Variants in TMOD3 observed in about 807,000 individuals in gnomAD.
TMOD3 encodes the protein tropomodulin 3, also known as tropomodulin-3.
TMOD3 carries 20 observed loss-of-function variants against 39.2 expected under a neutral mutation model. The ratio of observed to expected loss-of-function variants is 0.51; its 90% CI spans 0.36 to 0.74. The LOEUF (loss-of-function observed/expected upper bound fraction) is 0.74, where lower values mean the gene tolerates loss of function less well. Among genes scored for constraint, TMOD3 ranks in the 30% least tolerant of loss-of-function variants. TMOD3 has a pLI of 0.00. For missense variants in TMOD3, 381 were observed against 412.8 expected, an observed-to-expected ratio of 0.92 and a Z score of 0.67; for synonymous variants, 143 against 145.8, an observed-to-expected ratio of 0.98 and a Z score of 0.14.
At chr15:51,879,839 TTCTC>T (rs1272927880) in intron 3 of TMOD3, among the ~76,000 whole-genome samples, 11 of 99,716 alleles carry the variant, frequency 1.1e-4, no homozygotes, top group Non-Finnish European at 4.3e-5. Flanking sequence ...GGCAATCTCT[TTCTC>T]TCTCTCTGTC....
At chr15:51,889,387 A>T (rs1303140821) in intron 5 of TMOD3, among the ~76,000 whole-genome samples, 1 of 152,154 alleles carries the variant, frequency 6.6e-6, no homozygotes, top group African/African-American at 2.4e-5. Context: ...TAAACAGTAT[A>T]AAAGCTAGTC....
chr15:51,888,506 C>A (rs2623259), intron 4 of TMOD3, among the ~76,000 whole-genome samples: 69,218 of 151,996 alleles, frequency 0.46, 15,990 homozygotes, highest in Admixed American at 0.53. Flanking sequence ...TATTTGTGCA[C>A]AAGGGCATCA....
intron 3 of TMOD3, among the ~76,000 whole-genome samples, chr15:51,877,648 C>G (rs2056511578): frequency 6.6e-6 from 1 of 150,870 alleles, no homozygotes; most frequent in Non-Finnish European, 1.5e-5. Context: ...CCACTGCACT[C>G]TAGCCTGGGC....
At chr15:51,868,007 G>A (rs2056455691) in intron 2 of TMOD3, among the ~76,000 whole-genome samples, 1 of 152,180 alleles carries the variant, frequency 6.6e-6, no homozygotes, top group African/African-American at 2.4e-5. Context: ...TATGTCAGGG[G>A]TCCCTTGGGG....
In TMOD3 at chr15:51,840,806, A is replaced by T. The variant is rs184133898; in HGVS notation, c.-75+10970A>T. Among the ~76,000 whole-genome samples, 174 of 152,276 alleles carry T rather than the reference A, an allele frequency of 1.1e-3. 3 individuals carry two copies. The highest frequency in any genetic ancestry group is 9.1e-4 in the Non-Finnish European group (62 of 68,018). On this transcript the variant is annotated intron_variant, in intron 1 of 9. Transcript: ENST00000308580. ...TGTTGACGTTTATAGGCTCTTAGAAACTGCATTAAATTGTCCCACACTTTT... is the reference window on the plus strand; with the variant it reads ...TGTTGACGTTTATAGGCTCTTAGAATCTGCATTAAATTGTCCCACACTTTT...
At chr15:51,867,194 G>T (rs2570252) in intron 2 of TMOD3, among the ~76,000 whole-genome samples, 69,149 of 151,970 alleles carry the variant, frequency 0.46, 15,961 homozygotes, top group Admixed American at 0.53. Flanking sequence ...GCTGATCCAG[G>T]TGGGAAGCTA....
intron 3 of TMOD3, among the ~76,000 whole-genome samples, chr15:51,885,544 C>T (rs557432806): frequency 1.3e-5 from 2 of 152,112 alleles, no homozygotes; most frequent in South Asian, 2.1e-4. Context: ...CATCTTGCAC[C>T]GCCCTTAATC....
intron 7 of TMOD3, among the ~76,000 whole-genome samples, chr15:51,899,856 C>G (rs2056640507): frequency 6.6e-6 from 1 of 151,984 alleles, no homozygotes; most frequent in East Asian, 1.9e-4. Flanking sequence ...ATTAAGTAAC[C>G]TAGAGGTAAT....
chr15:51,911,353 T>C lies in TMOD3; in HGVS notation c.*2543T>C, dbSNP rs561420622. The C allele has an allele frequency of 6.6e-6, 1 of 152,360 alleles. No individual in the cohort carries two copies. The highest frequency in any genetic ancestry group is 2.4e-5 in the African/African-American group (1 of 41,586). 9.4% of individuals were successfully genotyped at this position (152,360 alleles called of 1,614,324 possible). On this transcript the variant is annotated 3_prime_UTR_variant, in exon 10 of 10. Transcript: ENST00000308580. The stretch of plus-strand genomic sequence containing the variant: ...TTCAATTCTGCATTATAGTAGTTCA[T>C]TGTATAACTGAAAGAAATGATTTCT...
intron 3 of TMOD3, among the ~76,000 whole-genome samples, chr15:51,869,710 C>CT (rs1170741941): frequency 6.6e-6 from 1 of 152,210 alleles, no homozygotes; most frequent in Non-Finnish European, 1.5e-5. Context: ...GGCATCTATT[C>CT]TAACTGCATT....
intron 5 of TMOD3, among the ~76,000 whole-genome samples, chr15:51,890,167 T>TA (rs1270405903): frequency 6.6e-6 from 1 of 151,320 alleles, no homozygotes; most frequent in Non-Finnish European, 1.5e-5. Flanking sequence ...TTCTATTAGC[T>TA]AATTTTTTTT....
intron 5 of TMOD3, among the ~76,000 whole-genome samples, chr15:51,890,185 T>G (rs923024233): frequency 3.3e-5 from 5 of 151,376 alleles, no homozygotes; most frequent in African/African-American, 4.9e-5. Context: ...TTTTTTTTTT[T>G]GGAAACGGAG....
At chr15:51,890,365 T>A (rs893040191) in intron 5 of TMOD3, among the ~76,000 whole-genome samples, 1 of 142,262 alleles carries the variant, frequency 7.0e-6, no homozygotes, top group African/African-American at 2.6e-5. Flanking sequence ...TTAGTAGAGA[T>A]GGGGTTTTGC....
intron 1 of TMOD3, among the ~76,000 whole-genome samples, chr15:51,837,832 T>C (rs1310057541): frequency 6.6e-6 from 1 of 152,166 alleles, no homozygotes; most frequent in African/African-American, 2.4e-5. Context: ...CACCAGAGAA[T>C]AGCTGGCACT....
At chr15:51,883,658 A>C (rs2056545539) in intron 3 of TMOD3, among the ~76,000 whole-genome samples, 1 of 152,234 alleles carries the variant, frequency 6.6e-6, no homozygotes, top group African/African-American at 2.4e-5. Context: ...GCTGCTATGC[A>C]TCAGAATCCC....
At chr15:51,880,669 T>C (rs192888702) in intron 3 of TMOD3, among the ~76,000 whole-genome samples, 1 of 152,220 alleles carries the variant, frequency 6.6e-6, no homozygotes, top group South Asian at 2.1e-4. Flanking sequence ...TACTTCATTC[T>C]TTTTTATGGC....
chr15:51,884,627 C>G (rs1286398717), intron 3 of TMOD3: 2 of 152,130 alleles, frequency 1.3e-5, no homozygotes, highest in Non-Finnish European at 2.9e-5. Context: ...CATCTCTACT[C>G]CCACTGCTTC....
chr15:51,851,687 T>A (rs552328347), intron 1 of TMOD3, among the ~76,000 whole-genome samples: 6 of 152,246 alleles, frequency 3.9e-5, no homozygotes, highest in African/African-American at 1.4e-4. Context: ...AGGATAAAAA[T>A]AGGTGTGGAA....
chr15:51,868,087 C>T (rs929692861), intron 2 of TMOD3, among the ~76,000 whole-genome samples: 1 of 152,180 alleles, frequency 6.6e-6, no homozygotes, highest in Non-Finnish European at 1.5e-5. Flanking sequence ...CGCATACACA[C>T]ACAAGTGGAA....
Sources: allele counts gnomAD v4.1 joint callset (sites outside exome capture counted in the v4.1 genomes callset), GRCh38; gene constraint gnomAD v4.1.1; transcripts MANE v1.5; gene names NCBI Gene and HGNC (gene_info 2026-07-23, HGNC 2026-07-21).